ZNF790: variants seen among roughly 807,000 people sequenced by gnomAD.
The protein encoded by ZNF790 is zinc finger protein 790.
A neutral mutation model predicts 12.1 loss-of-function variants in ZNF790; 8 were observed. The ratio of observed to expected loss-of-function variants is 0.66; its 90% confidence interval spans 0.39 to 1.19. ZNF790 has a LOEUF of 1.19. ZNF790 is among the 50% of genes most tolerant of loss of function. The pLI is 0.01. For synonymous variants in ZNF790, 252 were observed against 244.3 expected (o/e 1.03, Z -0.29); for missense variants, 707 against 752.2 (o/e 0.94, Z 0.70).
chr19:36,823,169 T>G, intron 4 of ZNF790, 116 bp downstream of exon 4: 1 of 869,138 alleles, frequency 1.2e-6, no homozygotes. Flanking sequence ...CCGGCCCATT[T>G]TTTGGTCTTA....
chr19:36,836,308 T>G (rs1244527366), intron 1 of ZNF790, among the ~76,000 whole-genome samples: 1 of 152,130 alleles, frequency 6.6e-6, no homozygotes, highest in Admixed American at 6.5e-5. Flanking sequence ...AGATGAAAGT[T>G]TGCTAGCCTG....
intron 1 of ZNF790, among the ~76,000 whole-genome samples, chr19:36,836,994 A>G (rs2146081736): frequency 6.8e-6 from 1 of 147,882 alleles, no homozygotes; most frequent in East Asian, 1.9e-4. Flanking sequence ...ATTCTTTGGG[A>G]CGGGTAAGTT....
At chr19:36,830,911 G>A (rs1029215438) in intron 1 of ZNF790, among the ~76,000 whole-genome samples, 51 of 152,300 alleles carry the variant, frequency 3.3e-4, no homozygotes, top group South Asian at 6.2e-4. Context: ...AGGCCAAAGC[G>A]GGCGGATCAC....
intron 1 of ZNF790, among the ~76,000 whole-genome samples, chr19:36,828,705 G>A (rs2071884582): frequency 6.6e-6 from 1 of 152,022 alleles, no homozygotes; most frequent in African/African-American, 2.4e-5. Context: ...TCAAACTCCT[G>A]GCCTCAAGAA....
intron 1 of ZNF790, among the ~76,000 whole-genome samples, chr19:36,848,117 G>T (rs1477671217): frequency 6.6e-6 from 1 of 152,218 alleles, no homozygotes; most frequent in African/African-American, 2.4e-5. Flanking sequence ...TCCTGAAATA[G>T]CACCAGAGTA....
At chr19:36,836,401 A>G (rs1277424295) in intron 1 of ZNF790, among the ~76,000 whole-genome samples, 1 of 152,078 alleles carries the variant, frequency 6.6e-6, no homozygotes, top group East Asian at 1.9e-4. Flanking sequence ...CCTTGAGCTA[A>G]CTAGGATTGC....
chr19:36,832,364 C>A (rs1353347217), intron 1 of ZNF790, among the ~76,000 whole-genome samples: 2 of 152,152 alleles, frequency 1.3e-5, no homozygotes, highest in Non-Finnish European at 2.9e-5. Context: ...ATAGGATTAA[C>A]TTGTATAGCA....
rs1289838082 is a variant in ZNF790 at position 36,819,358 on chromosome 19, T to A, written c.986A>T (p.Gln329Leu). 6.2e-7 allele frequency: 1 copy of A among 1,613,080 alleles called. No individual in the cohort carries two copies. The highest frequency in any genetic ancestry group is 8.5e-7 in the Non-Finnish European group (1 of 1,179,404). Residue 329 changes from glutamine (Q) to leucine (L), a missense_variant, in exon 5 of 5, where the codon CAG becomes CTG. Physicochemically the swap from Gln to Leu is moderately radical, Grantham distance 113. Transcript: ENST00000356725. ...AGGTTTTTCACCAGTGTGAATTCTCTGATGTTTAATAAGATGTGATCGCTG... is the reference window on the plus strand; with the variant it reads ...AGGTTTTTCACCAGTGTGAATTCTCAGATGTTTAATAAGATGTGATCGCTG... The part of the protein sequence containing the change: ...FSQRSHLIKH[Q>L]RIHTGEKPYE...
chr19:36,833,102 A>G (rs181887564), intron 1 of ZNF790, among the ~76,000 whole-genome samples: 14 of 152,336 alleles, frequency 9.2e-5, no homozygotes, highest in Non-Finnish European at 1.6e-4. Flanking sequence ...TCAAATTCCT[A>G]TAAATAAATC....
intron 1 of ZNF790, among the ~76,000 whole-genome samples, chr19:36,827,115 CA>C (rs1568337960): frequency 1.1e-5 from 1 of 93,238 alleles, no homozygotes; most frequent in Non-Finnish European, 2.1e-5. Flanking sequence ...TATATATACA[CA>C]TACACACACA....
At chr19:36,836,749 T>A (rs2072054914) in intron 1 of ZNF790, among the ~76,000 whole-genome samples, 1 of 152,080 alleles carries the variant, frequency 6.6e-6, no homozygotes, top group African/African-American at 2.4e-5. Context: ...AGAACAAGAC[T>A]CTGTCTCACA....
intron 1 of ZNF790, among the ~76,000 whole-genome samples, chr19:36,837,385 A>T (rs1388215121): frequency 6.6e-6 from 1 of 152,072 alleles, no homozygotes; most frequent in Non-Finnish European, 1.5e-5. Context: ...ACAGCCTCTT[A>T]CCAGTGGGTC....
In ZNF790 at chr19:36,819,062, C is replaced by G. The variant is rs140259727; in HGVS notation, c.1282G>C (p.Gly428Arg). Residue 428 changes from glycine (G) to arginine (R), a missense_variant, in exon 5 of 5, where the codon GGG becomes CGG. Coordinates refer to ENST00000356725, the MANE Select transcript of ZNF790 (RefSeq NM_206894.4). ...TACGAAGCCCAAGTAAAAGTCTTCC[C>G]GCATTGCTTACATTCATAAGGTTTC... is the stretch of plus-strand genomic sequence containing the variant. ...GRKPYECKQCGKTFTWASYLA... is the reference protein window; with the variant it reads ...GRKPYECKQCRKTFTWASYLA... The G allele has an allele frequency of 2.5e-6, 4 of 1,614,018 alleles. No homozygotes were observed. Among genetic ancestry groups the G allele is most frequent in the Non-Finnish European group, 2.5e-6 (3 of 1,179,988 alleles).
At position 36,819,722 on chromosome 19, in the gene ZNF790, G is replaced by C. The variant is rs1301331902; in HGVS notation, c.622C>G (p.Leu208Val). 2 of 1,613,524 alleles carry C rather than the reference G, an allele frequency of 1.2e-6. No individual in the cohort carries two copies. The highest frequency in any genetic ancestry group is 1.3e-5 in the African/African-American group (1 of 74,924). The change falls in exon 5 of 5, where the codon CTT becomes GTT. Residue 208 changes from leucine (L) to valine (V), a missense_variant. By Grantham distance (32) the Leu-to-Val change is conservative (BLOSUM62 1). Transcript: ENST00000356725. ...CGDKECGNTF[L>V]PDSEVIQYQT... is the part of the protein sequence containing the mutation. ...TATTGAATAACTTCTGAATCAGGAA[G>C]AAAGGTATTCCCACATTCTTTATCT...
At chr19:36,831,554 T>A (rs905905429) in intron 1 of ZNF790, among the ~76,000 whole-genome samples, 1 of 152,088 alleles carries the variant, frequency 6.6e-6, no homozygotes, top group Non-Finnish European at 1.5e-5. Flanking sequence ...GAGACCCCCA[T>A]CTCTAGGCGC....
At chr19:36,823,452 T>G in intron 3 of ZNF790, 72 bp from the exon 4 acceptor site, 2 of 1,452,508 alleles carry the variant, frequency 1.4e-6, no homozygotes, top group South Asian at 2.4e-5. Flanking sequence ...CTTCTTTGGT[T>G]ACTAAGGAAG....
chr19:36,827,090 A>ATG (rs202143890), intron 1 of ZNF790, among the ~76,000 whole-genome samples: 7 of 117,886 alleles, frequency 5.9e-5, no homozygotes, highest in Non-Finnish European at 9.5e-5. Context: ...GTGTGTATAT[A>ATG]TGTGTGTGTG....
upstream of ZNF790, among the ~76,000 whole-genome samples, chr19:36,839,273 CT>C (rs1568343153): frequency 6.6e-6 from 1 of 152,170 alleles, no homozygotes; most frequent in East Asian, 1.9e-4. Flanking sequence ...ATAGTTGTTT[CT>C]TTTTTTATTG....
chr19:36,838,719 C>T (rs1284523363), upstream of ZNF790, among the ~76,000 whole-genome samples: 1 of 152,224 alleles, frequency 6.6e-6, no homozygotes, highest in Non-Finnish European at 1.5e-5. This position sits in a 1 kb window ranked among gnomAD's most constrained non-coding sequence, Gnocchi z 4.4. Context: ...GTCCCGACGG[C>T]CCTGGGAAAT....
Sources: gnomAD v4.1 joint callset for allele counts (sites outside exome capture counted in the v4.1 genomes callset) on GRCh38, gnomAD v4.1.1 for gene constraint, Gnocchi (gnomAD v3.1) non-coding constraint, MANE v1.5 for transcripts, NCBI Gene and HGNC (gene_info 2026-07-23, HGNC 2026-07-21) for gene names.